The following RAD51B variants were observed in gnomAD, a reference collection of about 807,000 sequenced individuals.
The protein encoded by RAD51B is RAD51 paralog B, also known as DNA repair protein RAD51 homolog 2.
RAD51B carries 38 observed loss-of-function variants against 42.2 expected under a neutral mutation model. The ratio of observed to expected loss-of-function variants is 0.90; its 90% confidence interval spans 0.70 to 1.18. The LOEUF is 1.18. RAD51B is among the 50% of genes most tolerant of loss of function. The probability of loss-of-function intolerance (pLI) is 0.00; values close to 1 mark genes in which losing one functional copy is unlikely to be tolerated. For synonymous variants in RAD51B, 154 were observed against 145.2 expected, an observed-to-expected ratio of 1.06 and a Z score of -0.43; for missense variants, 373 against 400.7, an observed-to-expected ratio of 0.93 and a Z score of 0.59.
At chr14:68,313,308 G>A (rs2081997454) in intron 8 of RAD51B, among the ~76,000 whole-genome samples, 1 of 152,164 alleles carries the variant, frequency 6.6e-6, no homozygotes, top group African/African-American at 2.4e-5. Flanking sequence ...CTTGGGCTGT[G>A]GCCCAGGCAT....
intron 7 of RAD51B, among the ~76,000 whole-genome samples, chr14:67,986,200 T>C (rs2075189820): frequency 6.6e-6 from 1 of 152,266 alleles, no homozygotes. Flanking sequence ...TCTATGCACG[T>C]ATGATACTTA....
intron 10 of RAD51B, among the ~76,000 whole-genome samples, chr14:68,495,904 C>T (rs1884474793): frequency 6.6e-6 from 1 of 152,216 alleles, no homozygotes; most frequent in Non-Finnish European, 1.5e-5. Context: ...TGCCCTAACA[C>T]GCAAGTCCAG....
intron 4 of RAD51B, among the ~76,000 whole-genome samples, chr14:67,856,076 A>G (rs555518354): frequency 6.6e-6 from 1 of 152,364 alleles, no homozygotes; most frequent in South Asian, 2.1e-4. Context: ...CTGCTGTTAA[A>G]TGAATGATTA....
intron 7 of RAD51B, among the ~76,000 whole-genome samples, chr14:67,980,651 A>G (rs555426490): frequency 4.7e-4 from 71 of 152,230 alleles, no homozygotes; most frequent in Non-Finnish European, 9.4e-4. Context: ...GTGAAGGGCC[A>G]AACTTTTTAA....
At chr14:67,979,980 A>G (rs974681750) in intron 7 of RAD51B, among the ~76,000 whole-genome samples, 4 of 152,336 alleles carry the variant, frequency 2.6e-5, no homozygotes, top group Admixed American at 6.5e-5. Flanking sequence ...AATAAATTCT[A>G]CTGAAGTCTG....
In RAD51B at chr14:67,884,215, A is replaced by G. The variant is rs532452747; in HGVS notation, c.453-1654A>G. Among the ~76,000 whole-genome samples the G allele has an allele frequency of 3.3e-5, 5 of 152,322 alleles. No homozygotes were observed. The East Asian group carries it at 9.6e-4, about 29-fold the overall frequency. The stretch of plus-strand genomic sequence containing the variant: ...TATTTAGCATGGTAACTGTGAACAA[A>G]GGTTGTTCATGTCTATCCATTGACC... On this transcript the variant is annotated intron_variant, in intron 5 of 10. Transcript: ENST00000471583.
chr14:67,950,172 A>T (rs1189581807), intron 7 of RAD51B, among the ~76,000 whole-genome samples: 1 of 152,052 alleles, frequency 6.6e-6, no homozygotes, highest in Non-Finnish European at 1.5e-5. Flanking sequence ...CCAGGCACTG[A>T]CTTCTGCTCT....
intron 8 of RAD51B, among the ~76,000 whole-genome samples, chr14:68,335,622 T>G (rs904889832): frequency 6.6e-6 from 1 of 152,176 alleles, no homozygotes; most frequent in African/African-American, 2.4e-5. Context: ...TCTTTTACTG[T>G]TTTTCATAGC....
chr14:68,611,969 C>T (rs1240594995), downstream of RAD51B, among the ~76,000 whole-genome samples: 3 of 152,164 alleles, frequency 2.0e-5, no homozygotes, highest in Admixed American at 6.5e-5. Context: ...CATATCCTTG[C>T]TGTGAATTTC....
chr14:68,366,749 G>T (rs1000724994), intron 8 of RAD51B, among the ~76,000 whole-genome samples: 2 of 152,224 alleles, frequency 1.3e-5, no homozygotes, highest in African/African-American at 4.8e-5. Flanking sequence ...CTAGTTTAAT[G>T]CTCTCAAGAG....
At chr14:67,955,716 A>G (rs1262375974) in intron 7 of RAD51B, among the ~76,000 whole-genome samples, 2 of 152,254 alleles carry the variant, frequency 1.3e-5, no homozygotes. Flanking sequence ...AATTGTATTT[A>G]ATGAACTTGA....
intron 10 of RAD51B, among the ~76,000 whole-genome samples, chr14:68,592,090 A>G (rs1890769139): frequency 6.6e-6 from 1 of 152,066 alleles, no homozygotes; most frequent in Admixed American, 6.5e-5. Context: ...TGGCCGTGAT[A>G]CTGTGTCCCC....
At chr14:68,605,809 C>T (rs1486710433) in intron 10 of RAD51B, among the ~76,000 whole-genome samples, 1 of 152,194 alleles carries the variant, frequency 6.6e-6, no homozygotes, top group South Asian at 2.1e-4. Flanking sequence ...TGCAAAGTTT[C>T]GTCTTGCTCT....
chr14:68,444,440 TTGTGTGTGTGTGTG>T (rs3837661), intron 9 of RAD51B, among the ~76,000 whole-genome samples: 20,022 of 150,238 alleles, frequency 0.13, 1,577 homozygotes, highest in East Asian at 0.46. Context: ...GAATTGTGAA[TTGTGTGTGTGTGTG>T]TGTGTGTGTG....
intron 10 of RAD51B, among the ~76,000 whole-genome samples, chr14:68,512,543 G>T (rs1053059135): frequency 2.0e-5 from 3 of 152,152 alleles, no homozygotes; most frequent in Admixed American, 6.5e-5. Flanking sequence ...GGAAGTGCGG[G>T]TCTGTGTAGA....
chr14:68,622,989 A>G (rs991586044), intron 10 of RAD51B, among the ~76,000 whole-genome samples: 1 of 152,160 alleles, frequency 6.6e-6, no homozygotes, highest in Non-Finnish European at 1.5e-5. Context: ...TCAGATCTGA[A>G]AGCGGAGACA....
chr14:68,418,851 G>C (rs1200212214), intron 9 of RAD51B, among the ~76,000 whole-genome samples: 1 of 152,184 alleles, frequency 6.6e-6, no homozygotes, highest in Non-Finnish European at 1.5e-5. Context: ...AAGTAAAAAG[G>C]AAAGAAGGGT....
At chr14:68,377,903 T>A (rs1359517952) in intron 8 of RAD51B, among the ~76,000 whole-genome samples, 5 of 152,250 alleles carry the variant, frequency 3.3e-5, no homozygotes, top group African/African-American at 1.2e-4. Flanking sequence ...AATGAGATTT[T>A]AAACTTTTTA....
At chr14:68,329,552 A>G (rs1403144681) in intron 8 of RAD51B, among the ~76,000 whole-genome samples, 2 of 152,236 alleles carry the variant, frequency 1.3e-5, no homozygotes, top group African/African-American at 2.4e-5. Context: ...CTTGGGACCA[A>G]TAATAGGGTG....
Sources: gnomAD v4.1 joint callset for allele counts (sites outside exome capture counted in the v4.1 genomes callset) on GRCh38, gnomAD v4.1.1 for gene constraint, MANE v1.5 for transcripts, NCBI Gene and HGNC (gene_info 2026-07-23, HGNC 2026-07-21) for gene names.